Variants in WRN observed in about 807,000 individuals in gnomAD.
WRN encodes the protein WRN RecQ like helicase, also known as bifunctional 3'-5' exonuclease/ATP-dependent helicase WRN.
A neutral mutation model predicts 180.7 loss-of-function variants in WRN; 149 were observed. The ratio of observed to expected loss-of-function variants is 0.82; its 90% CI spans 0.72 to 0.94. The LOEUF is 0.94. Ranked by LOEUF, WRN falls within the 40% of genes least tolerant of loss-of-function variation. The pLI, the probability that WRN is intolerant of heterozygous loss-of-function variation, is 0.00. For missense variants in WRN, 1,661 were observed against 1,700.1 expected (o/e 0.98, Z 0.40); for synonymous variants, 548 against 568.9 (o/e 0.96, Z 0.52).
chr8:31,036,533 G>GT (rs1315094487), intron 1 of WRN, among the ~76,000 whole-genome samples: 1 of 151,988 alleles, frequency 6.6e-6, no homozygotes. Context: ...TGTCTTTTTG[G>GT]TAATAGCCAT....
chr8:31,143,070 C>T (rs1802721193), intron 27 of WRN, among the ~76,000 whole-genome samples: 2 of 148,394 alleles, frequency 1.3e-5, no homozygotes, highest in Non-Finnish European at 3.0e-5. Context: ...CTCTCTCTCT[C>T]TCTCACACAC....
At chr8:31,084,153 C>G (rs1310609671) in intron 10 of WRN, among the ~76,000 whole-genome samples, 1 of 152,094 alleles carries the variant, frequency 6.6e-6, no homozygotes, top group African/African-American at 2.4e-5. Flanking sequence ...CGTGCACCAC[C>G]ATGCCCGGCT....
chr8:31,110,896 G>C (rs1412747369), intron 18 of WRN, among the ~76,000 whole-genome samples: 1 of 152,108 alleles, frequency 6.6e-6, no homozygotes, highest in African/African-American at 2.4e-5. Flanking sequence ...TTTAGGGGAG[G>C]CATGTTGTTA....
At chr8:31,099,016 G>T (rs1479270337) in intron 17 of WRN, among the ~76,000 whole-genome samples, 2 of 142,112 alleles carry the variant, frequency 1.4e-5, no homozygotes, top group Non-Finnish European at 3.1e-5. Context: ...CCCCATCTCT[G>T]AAAAAAAAAA....
At chr8:31,045,313 T>TA (rs1245042149) in intron 1 of WRN, among the ~76,000 whole-genome samples, 1 of 152,190 alleles carries the variant, frequency 6.6e-6, no homozygotes, top group Non-Finnish European at 1.5e-5. Flanking sequence ...CCACCTTCCA[T>TA]AGTCTCTGCA....
At chr8:31,096,027 T>G (rs181925424) in intron 16 of WRN, among the ~76,000 whole-genome samples, 406 of 152,354 alleles carry the variant, frequency 2.7e-3, no homozygotes, top group Admixed American at 6.2e-3. Flanking sequence ...GTAACTTGGC[T>G]AACATCACTT....
intron 31 of WRN, among the ~76,000 whole-genome samples, chr8:31,153,579 G>A (rs1417960230): frequency 6.6e-6 from 1 of 152,144 alleles, no homozygotes; most frequent in African/African-American, 2.4e-5. Context: ...TGATGTGAGA[G>A]TTTAGCTCTG....
At chr8:31,076,833 C>G (rs1348299306) in intron 8 of WRN, among the ~76,000 whole-genome samples, 2 of 152,086 alleles carry the variant, frequency 1.3e-5, no homozygotes, top group Admixed American at 6.5e-5. Flanking sequence ...GGTTAAAGCA[C>G]TAGGTAACTT....
At chr8:31,111,937 G>A in intron 19 of WRN, 138 bp downstream of exon 19, 1 of 1,086,470 alleles carries the variant, frequency 9.2e-7, no homozygotes, top group South Asian at 1.5e-5. Context: ...TTTGGTTCAA[G>A]TCAAGCATGA....
chr8:31,116,238 T>G, intron 19 of WRN, 116 bp from the exon 20 acceptor site: 1 of 1,055,452 alleles, frequency 9.5e-7, no homozygotes, highest in Non-Finnish European at 1.4e-6. Context: ...TAGGCTTTCT[T>G]CCTTTAGTCT....
chr8:31,120,512 T>C (rs1801685153), intron 21 of WRN, 88 bp downstream of exon 21: 2 of 1,250,158 alleles, frequency 1.6e-6, no homozygotes, highest in South Asian at 1.4e-5. Context: ...ATTTCCAGTA[T>C]CCCAAGTAAT....
intron 28 of WRN, 99 bp from the exon 29 acceptor site, chr8:31,146,954 G>C: frequency 1.0e-6 from 1 of 989,096 alleles, no homozygotes; most frequent in East Asian, 2.7e-5. Context: ...ATAAATGTTT[G>C]TACTGATTTG....
intron 33 of WRN, among the ~76,000 whole-genome samples, chr8:31,166,579 C>T (rs192934146): frequency 1.2e-4 from 18 of 152,100 alleles, no homozygotes; most frequent in Admixed American, 5.2e-4. Context: ...TTTACAGGTA[C>T]GATTAGCTTC....
At chr8:31,077,407 A>T (rs1455365688) in intron 8 of WRN, among the ~76,000 whole-genome samples, 2 of 150,050 alleles carry the variant, frequency 1.3e-5, no homozygotes, top group African/African-American at 4.9e-5. Flanking sequence ...CACCTGGCTA[A>T]TTTTTTTTTT....
chr8:31,150,309 TTTG>T lies in WRN; in HGVS notation c.3573-11_3573-9del, dbSNP rs560446016. 4.4e-4 allele frequency: 660 copies of T among 1,504,800 alleles called. 3 individuals are homozygous for T. Among genetic ancestry groups the T allele is most frequent in the South Asian group, 1.4e-3 (123 of 88,660 alleles). The allele number at this position is 1,504,800 out of a possible 1,614,324, so 93.2% of individuals were successfully genotyped here. A position where few individuals can be genotyped will look rare whatever the true frequency, so the allele number is the denominator to read the frequency against. On this transcript the variant is annotated intron_variant, in intron 30 of 34. Coordinates refer to ENST00000298139, the MANE Select transcript of WRN (RefSeq NM_000553.6). Reference sequence around the variant, plus strand: ...ACTGTTTCAGTGGTTTCTTGACCTTTTTGTTGTTGTTGTTGTTGTTGTTAAACA... The same window carrying T: ...ACTGTTTCAGTGGTTTCTTGACCTTTTTGTTGTTGTTGTTGTTGTTAAACA...
chr8:31,064,890 T>C lies in WRN; in HGVS notation c.356-25T>C, dbSNP rs566780727. On this transcript the variant is annotated intron_variant, in intron 4 of 34. Coordinates refer to ENST00000298139, the MANE Select transcript of WRN (RefSeq NM_000553.6). ...AATCCATCATACTTGACAGAACTTATGGAAATAACAAGAAAATGTTACAGT... is the reference window on the plus strand; with the variant it reads ...AATCCATCATACTTGACAGAACTTACGGAAATAACAAGAAAATGTTACAGT... The C allele has an allele frequency of 1.5e-4, 237 of 1,612,600 alleles. No individual in the cohort carries two copies. The South Asian group carries it at 2.4e-3, about 16-fold the overall frequency.
At chr8:31,130,218 G>A (rs761638255) in intron 23 of WRN, among the ~76,000 whole-genome samples, 1 of 151,930 alleles carries the variant, frequency 6.6e-6, no homozygotes, top group African/African-American at 2.4e-5. Flanking sequence ...ATAGTACTTT[G>A]TGGGAGTTTA....
At chr8:31,060,705 G>A (rs1812456938) in intron 3 of WRN, among the ~76,000 whole-genome samples, 2 of 152,186 alleles carry the variant, frequency 1.3e-5, no homozygotes, top group African/African-American at 4.8e-5. Flanking sequence ...CACAGAGGAG[G>A]TAAAATCTGT....
At chr8:31,071,567 C>T (rs554603619) in intron 7 of WRN, among the ~76,000 whole-genome samples, 2 of 152,200 alleles carry the variant, frequency 1.3e-5, no homozygotes, top group East Asian at 1.9e-4. Context: ...CCGCAGCTTC[C>T]ACCTCCTGGG....
Sources: gnomAD v4.1 joint callset for allele counts (sites outside exome capture counted in the v4.1 genomes callset) on GRCh38, gnomAD v4.1.1 for gene constraint, MANE v1.5 for transcripts, NCBI Gene and HGNC (gene_info 2026-07-23, HGNC 2026-07-21) for gene names.